The following ACTL6A variants were observed in gnomAD, a reference collection of about 807,000 sequenced individuals.
The protein encoded by ACTL6A is actin like 6A.
ACTL6A carries 5 observed loss-of-function variants against 59.2 expected under a neutral mutation model. The ratio of observed to expected loss-of-function variants is 0.08; its 90% CI spans 0.04 to 0.18. The LOEUF is 0.18. Ranked by LOEUF, ACTL6A falls within the 10% of genes least tolerant of loss-of-function variation. ACTL6A has a pLI of 1.00. For missense variants in ACTL6A, 285 were observed against 526.9 expected (o/e 0.54, Z 4.49); for synonymous variants, 154 against 171.8 (o/e 0.90, Z 0.81).
At chr3:179,572,802 C>T (rs937158520) in intron 3 of ACTL6A, among the ~76,000 whole-genome samples, 1 of 151,362 alleles carries the variant, frequency 6.6e-6, no homozygotes, top group Non-Finnish European at 1.5e-5. Flanking sequence ...GAGACTCCAT[C>T]TCAAAAAAAA....
intron 12 of ACTL6A, among the ~76,000 whole-genome samples, chr3:179,584,981 A>T (rs1718442097): frequency 6.6e-6 from 1 of 152,340 alleles, no homozygotes; most frequent in East Asian, 1.9e-4. Flanking sequence ...ATTAAAAGTG[A>T]TATCTAAATA....
chr3:179,577,687 T>A lies in ACTL6A; in HGVS notation c.768+774T>A, dbSNP rs1434392988. ...TGTTGTTCCCTTCTTTGTGTCCATG[T>A]GTTCTCATCATCTAGCTCTCACTTG... On this transcript the variant is annotated intron_variant, in intron 8 of 13. Coordinates refer to ENST00000429709, the MANE Select transcript of ACTL6A (RefSeq NM_004301.5). Among the ~76,000 whole-genome samples, 2 of 152,172 alleles carry A rather than the reference T, an allele frequency of 1.3e-5. 1 individual carries two copies.
At chr3:179,564,839 G>A (rs1717783055) in intron 1 of ACTL6A, among the ~76,000 whole-genome samples, 1 of 150,630 alleles carries the variant, frequency 6.6e-6, no homozygotes, top group African/African-American at 2.4e-5. Context: ...CTGATTCTTC[G>A]TTGTACATTT....
intron 3 of ACTL6A, 39 bp from the exon 4 acceptor site, chr3:179,573,330 A>C: frequency 7.5e-7 from 1 of 1,336,472 alleles, no homozygotes; most frequent in Non-Finnish European, 1.0e-6. Context: ...TTCATCTTCA[A>C]CTATGCATTA....
At chr3:179,583,525 G>A (rs187525986) in intron 12 of ACTL6A, 77 bp downstream of exon 12, 362 of 1,179,864 alleles carry the variant, frequency 3.1e-4, no homozygotes, top group African/African-American at 1.5e-3. Context: ...GTAGATAAGC[G>A]TCCATTTTTC....
At chr3:179,569,366 C>G (rs1717935418) in intron 1 of ACTL6A, among the ~76,000 whole-genome samples, 1 of 152,156 alleles carries the variant, frequency 6.6e-6, no homozygotes, top group African/African-American at 2.4e-5. Context: ...TCTGGTTGTC[C>G]TGTATTTCAC....
chr3:179,578,390 G>C (rs6790039), intron 8 of ACTL6A, among the ~76,000 whole-genome samples: 1 of 151,952 alleles, frequency 6.6e-6, no homozygotes, highest in Non-Finnish European at 1.5e-5. Context: ...GGAGATGGAT[G>C]TTGCAGTGAG....
At chr3:179,582,159 AT>A in intron 11 of ACTL6A, among the ~76,000 whole-genome samples, 1 of 152,288 alleles carries the variant, frequency 6.6e-6, no homozygotes, top group South Asian at 2.1e-4. Flanking sequence ...TAAGTTTGGG[AT>A]TTTTTTAGCG....
rs948024538 is a variant in ACTL6A at position 179,576,553 on chromosome 3, C to T, written c.572-67C>T. Reference sequence around the variant, plus strand: ...AAAGTTATTCACATAAATACACCCACAGAGGAAATTCGTTCAAGGAAGTTT... The same window carrying T: ...AAAGTTATTCACATAAATACACCCATAGAGGAAATTCGTTCAAGGAAGTTT... On this transcript the variant is annotated intron_variant, in intron 6 of 13. Coordinates refer to ENST00000429709, the MANE Select transcript of ACTL6A (RefSeq NM_004301.5). The T allele has an allele frequency of 1.2e-5, 15 of 1,222,172 alleles. No homozygotes were observed. In the African/African-American group the frequency reaches 1.7e-4, roughly 14 times the overall value. 75.7% of individuals were successfully genotyped at this position (1,222,172 alleles called of 1,614,324 possible).
intron 8 of ACTL6A, among the ~76,000 whole-genome samples, chr3:179,580,096 T>G (rs1217685290): frequency 6.6e-6 from 1 of 152,052 alleles, no homozygotes; most frequent in Non-Finnish European, 1.5e-5. Flanking sequence ...CACCTAAAGA[T>G]AAAGATTTTG....
At chr3:179,572,737 G>A (rs1718048180) in intron 3 of ACTL6A, among the ~76,000 whole-genome samples, 1 of 152,070 alleles carries the variant, frequency 6.6e-6, no homozygotes, top group South Asian at 2.1e-4. Context: ...CCCAGGAGGC[G>A]GAGGTTGCAG....
At chr3:179,565,341 G>A (rs1717800741) in intron 1 of ACTL6A, among the ~76,000 whole-genome samples, 1 of 151,770 alleles carries the variant, frequency 6.6e-6, no homozygotes, top group African/African-American at 2.4e-5. Flanking sequence ...GGAGGCCGAG[G>A]CACAAGAATC....
intron 8 of ACTL6A, among the ~76,000 whole-genome samples, chr3:179,577,629 C>T (rs1718208086): frequency 6.6e-6 from 1 of 152,136 alleles, no homozygotes; most frequent in South Asian, 2.1e-4. Flanking sequence ...TTTTCTGCTC[C>T]ATTCCCTCGT....
At chr3:179,573,521 T>G in intron 4 of ACTL6A, 52 bp downstream of exon 4, 4 of 360,044 alleles carry the variant, frequency 1.1e-5, no homozygotes, top group East Asian at 6.8e-5. Flanking sequence ...TTTTTTTTTC[T>G]TTTTTTTTTC....
chr3:179,569,985 T>C, intron 2 of ACTL6A, 82 bp from the exon 3 acceptor site: 1 of 1,574,326 alleles, frequency 6.4e-7, no homozygotes, highest in Non-Finnish European at 8.6e-7. Flanking sequence ...CAAAACAAAA[T>C]ATAATAAAAT....
chr3:179,581,862 C>T (rs1203234369), intron 11 of ACTL6A, among the ~76,000 whole-genome samples: 1 of 152,074 alleles, frequency 6.6e-6, no homozygotes, highest in African/African-American at 2.4e-5. Flanking sequence ...GACATTGTTT[C>T]AGGAAAAAAA....
At chr3:179,568,734 G>C (rs1194149300) in intron 1 of ACTL6A, among the ~76,000 whole-genome samples, 1 of 152,114 alleles carries the variant, frequency 6.6e-6, no homozygotes, top group African/African-American at 2.4e-5. Context: ...CCTGCTGAGA[G>C]ACCATTAGAT....
intron 4 of ACTL6A, 141 bp downstream of exon 4, chr3:179,573,610 G>A: frequency 1.7e-6 from 1 of 602,972 alleles, no homozygotes. Flanking sequence ...GAAAATTAGG[G>A]AAAAGGATTA....
intron 4 of ACTL6A, among the ~76,000 whole-genome samples, chr3:179,573,703 C>T (rs888666300): frequency 6.6e-6 from 1 of 152,012 alleles, no homozygotes; most frequent in Non-Finnish European, 1.5e-5. Context: ...CTAATGGATT[C>T]TTGTGGTTAT....
Sources: allele counts gnomAD v4.1 joint callset (sites outside exome capture counted in the v4.1 genomes callset), GRCh38; gene constraint gnomAD v4.1.1; transcripts MANE v1.5; gene names NCBI Gene and HGNC (gene_info 2026-07-23, HGNC 2026-07-21).